Variants in ABR observed in about 807,000 individuals in gnomAD.
ABR encodes active breakpoint cluster region-related protein.
In ABR, 35 loss-of-function variants were observed where a neutral mutation model predicts 107.2. The observed-to-expected ratio is 0.33, with a 90% confidence interval of 0.25 to 0.43. The LOEUF is 0.43. Among genes scored for constraint, ABR ranks in the 20% least tolerant of loss-of-function variants. ABR has a pLI of 1.00. For synonymous variants in ABR, 498 were observed against 462.0 expected (o/e 1.08, Z -1.00); for missense variants, 815 against 1,115.2 (o/e 0.73, Z 3.83).
At chr17:1,031,645 C>G in intron 16 of ABR, 1 of 1,254,084 alleles carries the variant, frequency 8.0e-7, no homozygotes, top group Non-Finnish European at 1.0e-6. Flanking sequence ...AGCCGGGCGC[C>G]GGTGTTGGGG....
At position 1,022,461 on chromosome 17, in the gene ABR, C is replaced by T. The variant is rs12602622; in HGVS notation, c.1792-9297G>A. 654 of 153,516 alleles carry T rather than the reference C, an allele frequency of 4.3e-3. 24 individuals carry two copies. The South Asian group carries it at 0.082, about 19-fold the overall frequency. The allele number at this position is 153,516 out of a possible 1,614,324, so 9.5% of individuals were successfully genotyped here. ...GCTGGCAAGCTGGCAACGGGGGAGA[C>T]GGGAGTTGCCAAGACCCTGCCTCTC... On this transcript the variant is annotated intron_variant, in intron 16 of 22. Transcript: ENST00000302538.
At chr17:1,140,901 G>A (rs2040259300) in intron 1 of ABR, among the ~76,000 whole-genome samples, 1 of 151,880 alleles carries the variant, frequency 6.6e-6, no homozygotes, top group Admixed American at 6.6e-5. Flanking sequence ...ATTGCACTGG[G>A]AGGCAGAGGT....
intron 1 of ABR, among the ~76,000 whole-genome samples, chr17:1,226,956 C>T (rs2043233607): frequency 6.6e-6 from 1 of 152,090 alleles, no homozygotes; most frequent in Non-Finnish European, 1.5e-5. Flanking sequence ...AGAGGCAGAA[C>T]CCGAACATGT....
At position 1,034,896 on chromosome 17, in the gene ABR, C is replaced by T. The variant is rs575822551; in HGVS notation, c.1791+15154G>A. 1.8e-4 allele frequency among the ~76,000 whole-genome samples: 27 copies of T among 152,200 alleles called. No homozygotes were observed. The South Asian group carries it at 5.2e-3, about 29-fold the overall frequency. On this transcript the variant is annotated intron_variant, in intron 16 of 22. Coordinates refer to ENST00000302538, the MANE Select transcript of ABR (RefSeq NM_021962.5). The stretch of plus-strand genomic sequence containing the variant: ...AGAAGGGGGCCGTGTGAATCCCGTT[C>T]CCAAGGCCCGGCACTCATCTGTCTT...
Position 1,150,200 on chromosome 17 carries a change from G to T in ABR, c.62-24833C>A, listed in dbSNP as rs2040737177. ...AGACGTGAGCCACCGCGCCCGGCCT[G>T]TGTCAGAATTTTTTTTGTTACCCAC... On this transcript the variant is annotated intron_variant, in intron 1 of 22. Transcript: ENST00000302538. This position sits in a 1 kb window ranked among gnomAD's most constrained non-coding sequence, Gnocchi z 4.8. Among the ~76,000 whole-genome samples, 1 of 152,020 alleles carries T rather than the reference G, an allele frequency of 6.6e-6. No individual in the cohort carries two copies. The highest frequency in any genetic ancestry group is 2.1e-4 in the South Asian group (1 of 4,820).
intron 1 of ABR, among the ~76,000 whole-genome samples, chr17:1,203,436 AC>A (rs200697171): frequency 9.2e-5 from 2 of 21,624 alleles, no homozygotes; most frequent in Non-Finnish European, 1.9e-4. Flanking sequence ...GCCCGCGGGG[AC>A]GGAGTCTGCG....
chr17:1,213,858 G>T (rs754516031), intron 1 of ABR, among the ~76,000 whole-genome samples: 3 of 152,112 alleles, frequency 2.0e-5, no homozygotes, highest in Non-Finnish European at 2.9e-5. Flanking sequence ...AGTCTAAGGT[G>T]CTGTTTCTAT....
rs2039121436 is a variant in ABR at position 1,118,061 on chromosome 17, C to T, written c.246+7122G>A. 1.4e-4 allele frequency among the ~76,000 whole-genome samples: 7 copies of T among 51,532 alleles called. No individual in the cohort carries two copies. In the East Asian group the frequency reaches 1.8e-3, roughly 13 times the overall value. 33.8% of individuals were successfully genotyped at this position (51,532 alleles called of 152,430 possible). A position where few individuals can be genotyped will look rare whatever the true frequency, so the allele number is the denominator to read the frequency against. ...AGCCTGAGTTCCTCCCAGCGTTATC[C>T]CTGAGCCTGAGTCCTTCCCAGCGTT... is the stretch of plus-strand genomic sequence containing the variant. On this transcript the variant is annotated intron_variant, in intron 2 of 22. Transcript: ENST00000302538.
intron 2 of ABR, among the ~76,000 whole-genome samples, chr17:1,110,470 T>C (rs1329135454): frequency 1.3e-5 from 2 of 152,204 alleles, no homozygotes; most frequent in Non-Finnish European, 2.9e-5. Context: ...GGCTGCCTGA[T>C]CTCTGTTCAA....
At position 1,150,597 on chromosome 17, in the gene ABR, G is replaced by A. The variant is rs1386650056; in HGVS notation, c.62-25230C>T. On this transcript the variant is annotated intron_variant, in intron 1 of 22. Coordinates refer to ENST00000302538, the MANE Select transcript of ABR (RefSeq NM_021962.5). This position sits in a 1 kb window ranked among gnomAD's most constrained non-coding sequence, Gnocchi z 4.8. ...GCCCCCTCTCACTCCTCCGGCGGCC[G>A]CCGTCCACTCCCAGTCCTAGATCTG... 6.6e-6 allele frequency among the ~76,000 whole-genome samples: 1 copy of A among 152,162 alleles called. No individual in the cohort carries two copies. The highest frequency in any genetic ancestry group is 1.5e-5 in the Non-Finnish European group (1 of 68,028).
At chr17:1,065,628 A>G (rs890741781) in intron 10 of ABR, among the ~76,000 whole-genome samples, 1 of 151,960 alleles carries the variant, frequency 6.6e-6, no homozygotes, top group Non-Finnish European at 1.5e-5. Flanking sequence ...GGCTGCATCC[A>G]TGGGTACTGG....
intron 1 of ABR, among the ~76,000 whole-genome samples, chr17:1,160,081 G>A (rs185648058): frequency 8.5e-5 from 13 of 152,196 alleles, no homozygotes; most frequent in East Asian, 5.8e-4. Context: ...GAGGTAGGGC[G>A]CAGGAGGAAA....
chr17:1,043,738 C>T (rs574417361), intron 16 of ABR, among the ~76,000 whole-genome samples: 2 of 152,326 alleles, frequency 1.3e-5, no homozygotes, highest in South Asian at 4.1e-4. Flanking sequence ...TGGCCTGGAA[C>T]CTGCCCCTCC....
chr17:1,173,798 T>G (rs924722112), intron 1 of ABR, among the ~76,000 whole-genome samples: 1 of 152,202 alleles, frequency 6.6e-6, no homozygotes, highest in South Asian at 2.1e-4. Flanking sequence ...TGATACCCTG[T>G]TCCTGCCGGT....
At chr17:1,153,935 CAGGCT>C in intron 1 of ABR, 2 of 170,474 alleles carry the variant, frequency 1.2e-5, no homozygotes, top group Non-Finnish European at 2.5e-5. Flanking sequence ...ACCATAGCAA[CAGGCT>C]CCCGCTCCAG....
chr17:1,106,421 C>G (rs1459759941), intron 2 of ABR, among the ~76,000 whole-genome samples: 1 of 108,254 alleles, frequency 9.2e-6, no homozygotes, highest in African/African-American at 3.6e-5. Flanking sequence ...GACCCTTGGC[C>G]TGCACACACA....
Position 1,092,856 on chromosome 17 carries a change from A to T in ABR, c.346-1006T>A, listed in dbSNP as rs2151302297. 6.6e-6 allele frequency among the ~76,000 whole-genome samples: 1 copy of T among 150,906 alleles called. No homozygotes were observed. Among genetic ancestry groups the T allele is most frequent in the South Asian group, 2.1e-4 (1 of 4,752 alleles). ...CGAATTCTTTTTTTTTTGGAGACGG[A>T]GTCTCGCTCTGTCGCCCAGGCTGGA... On this transcript the variant is annotated intron_variant, in intron 3 of 22. Transcript: ENST00000302538. The surrounding 1 kb of genome is among the most constrained non-coding windows in gnomAD (Gnocchi z 4.6).
intron 16 of ABR, among the ~76,000 whole-genome samples, chr17:1,031,044 C>A (rs1440860868): frequency 6.6e-6 from 1 of 152,204 alleles, no homozygotes; most frequent in Non-Finnish European, 1.5e-5. Flanking sequence ...TCTGCCCTGG[C>A]ACATGGACGG....
intron 4 of ABR, among the ~76,000 whole-genome samples, chr17:1,090,580 TAA>T (rs1330571190): frequency 2.0e-5 from 3 of 151,612 alleles, no homozygotes; most frequent in Non-Finnish European, 4.4e-5. Flanking sequence ...CTCGGTGAGG[TAA>T]AGACAGGAAG....
Sources: allele counts gnomAD v4.1 joint callset (sites outside exome capture counted in the v4.1 genomes callset), GRCh38; gene constraint gnomAD v4.1.1; non-coding constraint Gnocchi (gnomAD v3.1); transcripts MANE v1.5; gene names NCBI Gene and HGNC (gene_info 2026-07-23, HGNC 2026-07-21).